Variants in STK31 observed in about 807,000 individuals in gnomAD.
STK31 encodes serine/threonine-protein kinase 31.
STK31 carries 89 observed loss-of-function variants against 129.7 expected under a neutral mutation model. That is an observed-to-expected ratio of 0.69 (90% CI 0.58 to 0.82). STK31 has a LOEUF of 0.82. Among genes scored for constraint, STK31 ranks in the 40% least tolerant of loss-of-function variants. The pLI, the probability that STK31 is intolerant of heterozygous loss-of-function variation, is 0.00. For synonymous variants in STK31, 448 were observed against 395.3 expected (o/e 1.13, Z -1.58); for missense variants, 1,187 against 1,176.4 (o/e 1.01, Z -0.13).
At chr7:23,769,493 T>A in intron 12 of STK31, 147 bp from the exon 13 acceptor site, 1 of 562,976 alleles carries the variant, frequency 1.8e-6, no homozygotes, top group Non-Finnish European at 3.0e-6. Context: ...GCATAAATTT[T>A]ATGAGGGTAG....
intron 22 of STK31, among the ~76,000 whole-genome samples, chr7:23,798,192 T>C (rs1269117196): frequency 6.6e-6 from 1 of 152,162 alleles, no homozygotes; most frequent in African/African-American, 2.4e-5. Flanking sequence ...CTAGTACCAT[T>C]CTTTCTGAAA....
intron 22 of STK31, among the ~76,000 whole-genome samples, chr7:23,812,514 CT>C (rs1166343657): frequency 6.9e-6 from 1 of 144,496 alleles, no homozygotes; most frequent in Non-Finnish European, 1.5e-5. Context: ...TTTTCTTAAA[CT>C]TTTTTTTATT....
In STK31 at chr7:23,729,197, A is replaced by G. The variant is rs771233488; in HGVS notation, c.431A>G (p.Lys144Arg). The change falls in exon 6 of 24, where the codon AAA (lysine) becomes AGA (arginine). Residue 144 changes from lysine (K) to arginine (R), a missense_variant. Physicochemically the swap from Lys to Arg is conservative, Grantham distance 26. Transcript: ENST00000355870. ...TTTTCTAGTGTTGCCAAAAAGTATAAACTTTGGGGACTACACATTCCTTCT... is the reference window on the plus strand; with the variant it reads ...TTTTCTAGTGTTGCCAAAAAGTATAGACTTTGGGGACTACACATTCCTTCT... Reference protein sequence around the residue: ...LQFSSVAKKYKLWGLHIPSDQ... With the variant: ...LQFSSVAKKYRLWGLHIPSDQ... 7 of 1,611,730 alleles carry G rather than the reference A, an allele frequency of 4.3e-6. No homozygotes were observed. Among genetic ancestry groups the G allele is most frequent in the African/African-American group, 1.3e-5 (1 of 74,936 alleles).
chr7:23,808,627 G>A lies in STK31; in HGVS notation c.2761-6517G>A, dbSNP rs866073939. Among the ~76,000 whole-genome samples the A allele has an allele frequency of 3.3e-5, 5 of 152,264 alleles. No homozygotes were observed. The South Asian group carries it at 1.0e-3, about 32-fold the overall frequency. On this transcript the variant is annotated intron_variant, in intron 22 of 23. Transcript: ENST00000355870. ...CAGTATCCCAGACTGTAGAGTGACA[G>A]CTAGTGCTGTTTCTCACTGCTGTCT...
At chr7:23,759,942 A>T (rs540720063) in intron 10 of STK31, among the ~76,000 whole-genome samples, 2 of 152,252 alleles carry the variant, frequency 1.3e-5, no homozygotes, top group South Asian at 4.2e-4. Flanking sequence ...CTAATGTGGA[A>T]CTTTTCTGGT....
intron 6 of STK31, among the ~76,000 whole-genome samples, chr7:23,730,878 A>ATATATATATTTTTT: frequency 1.7e-5 from 1 of 59,542 alleles, no homozygotes; most frequent in African/African-American, 5.8e-5. Context: ...ATATATATAT[A>ATATATATATTTTTT]TTTTTTTTTT....
chr7:23,730,878 A>ATATATATATATATTTTTTTTT, intron 6 of STK31, among the ~76,000 whole-genome samples: 5 of 59,540 alleles, frequency 8.4e-5, no homozygotes, highest in Non-Finnish European at 1.6e-4. Context: ...ATATATATAT[A>ATATATATATATATTTTTTTTT]TTTTTTTTTT....
At chr7:23,807,498 T>G (rs1036725547) in intron 22 of STK31, among the ~76,000 whole-genome samples, 1 of 152,168 alleles carries the variant, frequency 6.6e-6, no homozygotes, top group African/African-American at 2.4e-5. Context: ...AGTTTTAAGT[T>G]TATTATGGTA....
Position 23,739,620 on chromosome 7 carries a change from G to A in STK31, c.1017+2542G>A, listed in dbSNP as rs574945404. Among the ~76,000 whole-genome samples the A allele has an allele frequency of 5.3e-5, 8 of 152,316 alleles. No individual in the cohort carries two copies. In the South Asian group the frequency reaches 1.7e-3, roughly 32 times the overall value. ...TTACTGTTTGGGGTTTTACATTTAA[G>A]TCTTTAATCCATCTTGAGTTAATTT... On this transcript the variant is annotated intron_variant, in intron 8 of 23. Transcript: ENST00000355870.
intron 8 of STK31, among the ~76,000 whole-genome samples, chr7:23,745,007 C>T (rs73271369): frequency 0.015 from 2,210 of 152,198 alleles, 60 homozygotes; most frequent in African/African-American, 0.05. Context: ...GCAGTGGGCA[C>T]GATGTGGGTG....
At chr7:23,739,432 A>G (rs1787922328) in intron 8 of STK31, among the ~76,000 whole-genome samples, 1 of 151,874 alleles carries the variant, frequency 6.6e-6, no homozygotes, top group Non-Finnish European at 1.5e-5. Context: ...TTGCCTGTAC[A>G]CTCTGATGGT....
intron 3 of STK31, among the ~76,000 whole-genome samples, chr7:23,712,556 C>G (rs187880765): frequency 7.9e-5 from 12 of 152,300 alleles, no homozygotes; most frequent in Admixed American, 2.0e-4. Flanking sequence ...CCACTCAATT[C>G]TAGGCTGCTT....
At chr7:23,757,350 C>T (rs920905581) in intron 10 of STK31, among the ~76,000 whole-genome samples, 2 of 151,938 alleles carry the variant, frequency 1.3e-5, no homozygotes, top group Non-Finnish European at 2.9e-5. Flanking sequence ...GTGGAGGACC[C>T]GCGCCCGCCG....
intron 23 of STK31, among the ~76,000 whole-genome samples, chr7:23,830,824 C>G (rs373588715): frequency 6.6e-6 from 1 of 152,010 alleles, no homozygotes; most frequent in African/African-American, 2.4e-5. Flanking sequence ...TTCACCATGT[C>G]AGCCAGGCTG....
At chr7:23,773,621 G>A (rs1790338205) in intron 15 of STK31, among the ~76,000 whole-genome samples, 1 of 152,074 alleles carries the variant, frequency 6.6e-6, no homozygotes, top group African/African-American at 2.4e-5. Flanking sequence ...TTGCCACACT[G>A]TCTTCCACAA....
chr7:23,799,126 C>T (rs1792205379), intron 22 of STK31, among the ~76,000 whole-genome samples: 3 of 152,146 alleles, frequency 2.0e-5, no homozygotes, highest in Admixed American at 2.0e-4. Flanking sequence ...ATTCCATGCT[C>T]ATGGATAGGG....
rs1791293846 is a variant in STK31 at position 23,786,540 on chromosome 7, G to A, written c.2307G>A (p.Lys769=). 6.2e-7 allele frequency: 1 copy of A among 1,613,632 alleles called. No individual in the cohort carries two copies. Among genetic ancestry groups the A allele is most frequent in the Non-Finnish European group, 8.5e-7 (1 of 1,179,784 alleles). The part of the protein sequence containing the change: ...GYSVDVDTEA[K]VIERAATYHR... ...CTGTGGATGTTGACACAGAAGCCAA[G>A]GTGATTGAGAGAGCAGCCACCTACC... Residue 769 remains lysine, a synonymous_variant, in exon 19 of 24, where the codon AAG becomes AAA. Coordinates refer to ENST00000355870, the MANE Select transcript of STK31 (RefSeq NM_031414.5).
At position 23,764,370 on chromosome 7, in the gene STK31, T is replaced by G. The variant is rs187429759; in HGVS notation, c.1416+1447T>G. ...GCCTTAACTGGCTTGTCTCCACTTCTAGTATTCCCTCAGGTCACCAAAATA... is the reference window on the plus strand; with the variant it reads ...GCCTTAACTGGCTTGTCTCCACTTCGAGTATTCCCTCAGGTCACCAAAATA... On this transcript the variant is annotated intron_variant, in intron 11 of 23. Transcript: ENST00000355870. Among the ~76,000 whole-genome samples, 234 of 152,338 alleles carry G rather than the reference T, an allele frequency of 1.5e-3. 1 individual carries two copies. Among genetic ancestry groups the G allele is most frequent in the Non-Finnish European group, 2.7e-3 (184 of 68,010 alleles).
chr7:23,817,573 C>G (rs1318421789), intron 23 of STK31, among the ~76,000 whole-genome samples: 3 of 152,176 alleles, frequency 2.0e-5, no homozygotes, highest in African/African-American at 7.2e-5. Flanking sequence ...TACCATACCA[C>G]AAATGGAGAA....
Sources: allele counts gnomAD v4.1 joint callset (sites outside exome capture counted in the v4.1 genomes callset), GRCh38; gene constraint gnomAD v4.1.1; transcripts MANE v1.5; gene names NCBI Gene and HGNC (gene_info 2026-07-23, HGNC 2026-07-21).